H3C6: variants seen among roughly 807,000 people sequenced by gnomAD.
H3C6 encodes the protein histone H3.1.
In H3C6, 17 loss-of-function variants were observed where a neutral mutation model predicts 8.0. The ratio of observed to expected loss-of-function variants is 2.13; its 90% CI spans 1.46 to 3.19. The LOEUF (loss-of-function observed/expected upper bound fraction) is 3.19. H3C6 is among the 30% of genes most tolerant of loss of function. H3C6 has a pLI of 0.00. For missense variants in H3C6, 298 were observed against 193.8 expected (o/e 1.54, Z -3.19); for synonymous variants, 169 against 78.0 (o/e 2.17, Z -6.15).
In H3C6 at chr6:26,225,367, G is replaced by C; in HGVS notation, c.213G>C (p.Leu71=). 1.9e-6 allele frequency: 3 copies of C among 1,614,252 alleles called. No homozygotes were observed. The highest frequency in any genetic ancestry group is 2.5e-6 in the Non-Finnish European group (3 of 1,180,034). The part of the protein sequence containing the change: ...LLIRKLPFQR[L]VREIAQDFKT... ...TCCGGAAGCTGCCGTTTCAGCGCCT[G>C]GTGCGAGAAATAGCTCAGGACTTCA... The change falls in exon 1 of 1, where the codon CTG becomes CTC. Residue 71 remains leucine (L), a synonymous_variant. Transcript: ENST00000614911.
At chr6:26,226,407 T>A (rs1759560287), downstream of H3C6, 1 of 142,974 alleles carries the variant, frequency 7.0e-6, no homozygotes, top group Admixed American at 7.1e-5. Flanking sequence ...TTTATTTATT[T>A]TGAGACGGAG....
rs147572733 is a variant in H3C6 at position 26,225,178 on chromosome 6, T to G, written c.24T>G (p.Ala8=). 2.5e-6 allele frequency: 4 copies of G among 1,577,486 alleles called. No individual in the cohort carries two copies. The highest frequency in any genetic ancestry group is 3.4e-6 in the Non-Finnish European group (4 of 1,163,748). MARTKQT[A]RKSTGGKAPR... Reference sequence around the variant, plus strand: ...CTATGGCGCGTACTAAGCAGACGGCTCGTAAATCCACAGGCGGTAAAGCAC... The same window carrying G: ...CTATGGCGCGTACTAAGCAGACGGCGCGTAAATCCACAGGCGGTAAAGCAC... The change falls in exon 1 of 1, where the codon GCT becomes GCG. Residue 8 remains alanine (A), a synonymous_variant. Coordinates refer to ENST00000614911, the MANE Select transcript of H3C6 (RefSeq NM_003532.3).
chr6:26,225,335 C>A lies in H3C6; in HGVS notation c.181C>A (p.Leu61Ile), dbSNP rs771526926. 1 of 1,614,234 alleles carries A rather than the reference C, an allele frequency of 6.2e-7. No individual in the cohort carries two copies. Among genetic ancestry groups the A allele is most frequent in the East Asian group, 2.2e-5 (1 of 44,890 alleles). Residue 61 changes from leucine to isoleucine, a missense_variant, in exon 1 of 1, where the codon CTT (leucine) becomes ATT (isoleucine). Leu to Ile is a conservative substitution (Grantham distance 5, BLOSUM62 2). Coordinates refer to ENST00000614911, the MANE Select transcript of H3C6 (RefSeq NM_003532.3). The part of the protein sequence containing the change: ...EIRRYQKSTE[L>I]LIRKLPFQRL... The stretch of plus-strand genomic sequence containing the variant: ...CCGTCGCTACCAGAAGTCTACCGAG[C>A]TTCTAATCCGGAAGCTGCCGTTTCA...
downstream of H3C6, chr6:26,227,222 A>G (rs1436172409): frequency 6.6e-6 from 1 of 152,226 alleles, no homozygotes; most frequent in Non-Finnish European, 1.5e-5. Flanking sequence ...TGCTAGATAG[A>G]AGCATTCTCT....
In H3C6 at chr6:26,225,412, G is replaced by C. The variant is rs1334756562; in HGVS notation, c.258G>C (p.Gln86His). The C allele has an allele frequency of 6.2e-7, 1 of 1,614,276 alleles. No individual in the cohort carries two copies. The highest frequency in any genetic ancestry group is 2.2e-5 in the East Asian group (1 of 44,888). ...AQDFKTDLRF[Q>H]SSAVMALQEA... ...ACTTCAAGACCGACCTGCGCTTCCA[G>C]AGTTCCGCGGTGATGGCGCTGCAGG... Residue 86 changes from glutamine (Q) to histidine (H), a missense_variant, in exon 1 of 1, where the codon CAG becomes CAC. Physicochemically the swap from Gln to His is conservative, Grantham distance 24 (BLOSUM62 0). Coordinates refer to ENST00000614911, the MANE Select transcript of H3C6 (RefSeq NM_003532.3).
At chr6:26,225,753 C>G (rs1210497209), downstream of H3C6, 1 of 725,282 alleles carries the variant, frequency 1.4e-6, no homozygotes, top group Non-Finnish European at 2.2e-6. Context: ...AGCGCTCCCT[C>G]AGGTTTTCGC....
downstream of H3C6, chr6:26,226,422 GC>G (rs1313571426): frequency 6.7e-5 from 10 of 149,610 alleles, no homozygotes; most frequent in Non-Finnish European, 1.2e-4. Context: ...ACGGAGTTTC[GC>G]CCTTGTTGCC....
downstream of H3C6, chr6:26,226,386 T>G (rs1759559375): frequency 8.2e-6 from 1 of 122,362 alleles, no homozygotes; most frequent in Non-Finnish European, 1.8e-5. Flanking sequence ...ATTTATTTAT[T>G]TATTTATTTA....
rs1484051584 is a variant in H3C6 at position 26,225,576 on chromosome 6, G to C, written c.*11G>C. 1.5e-5 allele frequency: 24 copies of C among 1,607,132 alleles called. No homozygotes were observed. The highest frequency in any genetic ancestry group is 3.4e-5 in the Admixed American group (2 of 58,574). ...GGGGAGAGGGCGTGAATTGTTTTGA[G>C]TACAAACCTTAAATCCAAAGGCTCT... On this transcript the variant is annotated 3_prime_UTR_variant, in exon 1 of 1. Coordinates refer to ENST00000614911, the MANE Select transcript of H3C6 (RefSeq NM_003532.3).
In H3C6 at chr6:26,225,569, G is replaced by GT. The variant is rs751671835; in HGVS notation, c.*8dup. The GT allele has an allele frequency of 3.7e-6, 6 of 1,610,704 alleles. No homozygotes were observed. The African/African-American group carries it at 8.0e-5, about 22-fold the overall frequency. On this transcript the variant is annotated 3_prime_UTR_variant, in exon 1 of 1. Transcript: ENST00000614911. Reference sequence around the variant, plus strand: ...CATTCGTGGGGAGAGGGCGTGAATTGTTTTGAGTACAAACCTTAAATCCAA... The same window carrying GT: ...CATTCGTGGGGAGAGGGCGTGAATTGTTTTTGAGTACAAACCTTAAATCCAA...
downstream of H3C6, chr6:26,226,769 C>A (rs372676434): frequency 1.3e-5 from 2 of 152,236 alleles, no homozygotes; most frequent in East Asian, 3.9e-4. Flanking sequence ...AATTCTGTTA[C>A]GAAATCATAC....
rs748257929 is a variant in H3C6 at position 26,225,253 on chromosome 6, G to T, written c.99G>T (p.Thr33=). Reference sequence around the variant, plus strand: ...CAGCTCGCAAGAGCGCTCCGGCCACGGGCGGCGTGAAGAAGCCCCATCGCT... The same window carrying T: ...CAGCTCGCAAGAGCGCTCCGGCCACTGGCGGCGTGAAGAAGCCCCATCGCT... ...TKAARKSAPA[T]GGVKKPHRYR... The change falls in exon 1 of 1, where the codon ACG becomes ACT. Residue 33 remains threonine (T), a synonymous_variant. Transcript: ENST00000614911. The T allele has an allele frequency of 2.5e-6, 4 of 1,613,738 alleles. No individual in the cohort carries two copies. The highest frequency in any genetic ancestry group is 1.7e-5 in the Admixed American group (1 of 59,996).
At chr6:26,224,626 G>T (rs1376920371), upstream of H3C6, among the ~76,000 whole-genome samples, 2 of 152,096 alleles carry the variant, frequency 1.3e-5, no homozygotes, top group Non-Finnish European at 2.9e-5. Context: ...GAAACACAAA[G>T]TTCCTTATGC....
upstream of H3C6, among the ~76,000 whole-genome samples, chr6:26,224,510 G>T (rs746842279): frequency 2.6e-5 from 4 of 152,158 alleles, no homozygotes; most frequent in African/African-American, 9.7e-5. Context: ...ATGTCTGGAC[G>T]TTTTAATTTC....
Position 26,225,159 on chromosome 6 carries a change from C to A in H3C6, c.5C>A (p.Ala2Glu). The A allele has an allele frequency of 6.4e-7, 1 of 1,553,612 alleles. No individual in the cohort carries two copies. The highest frequency in any genetic ancestry group is 8.7e-7 in the Non-Finnish European group (1 of 1,152,220). The stretch of plus-strand genomic sequence containing the variant: ...CATTTACTTTGCAGATGAACTATGG[C>A]GCGTACTAAGCAGACGGCTCGTAAA... Reference protein sequence around the residue: MARTKQTARKST... With the variant: MERTKQTARKST... The change falls in exon 1 of 1, where the codon GCG becomes GAG. Residue 2 changes from alanine to glutamate, a missense_variant. Ala to Glu is a moderately radical substitution (Grantham distance 107). Transcript: ENST00000614911.
At chr6:26,225,661 C>G, downstream of H3C6, 1 of 1,301,922 alleles carries the variant, frequency 7.7e-7, no homozygotes, top group Non-Finnish European at 1.1e-6. Flanking sequence ...CGCATTAGAC[C>G]ACTAAACTGC....
upstream of H3C6, among the ~76,000 whole-genome samples, chr6:26,224,749 G>A (rs1001320198): frequency 3.9e-5 from 6 of 152,158 alleles, no homozygotes; most frequent in Non-Finnish European, 8.8e-5. Flanking sequence ...AGTGAATAAG[G>A]AAGGGAAAAA....
chr6:26,227,260 ACTTT>A (rs1045684184), downstream of H3C6: 5 of 152,206 alleles, frequency 3.3e-5, no homozygotes, highest in Non-Finnish European at 1.5e-5. Flanking sequence ...TGTATCCTGT[ACTTT>A]CTTTAAGATT....
downstream of H3C6, chr6:26,225,757 T>C (rs1303582916): frequency 1.1e-5 from 8 of 706,020 alleles, no homozygotes; most frequent in African/African-American, 1.8e-5. Context: ...CTCCCTCAGG[T>C]TTTCGCCTAG....
Sources: allele counts gnomAD v4.1 joint callset (sites outside exome capture counted in the v4.1 genomes callset), GRCh38; gene constraint gnomAD v4.1.1; transcripts MANE v1.5; gene names NCBI Gene and HGNC (gene_info 2026-07-23, HGNC 2026-07-21).